The following DPP6 variants were observed in gnomAD, a reference collection of about 807,000 sequenced individuals.
DPP6 encodes A-type potassium channel modulatory protein DPP6.
DPP6 carries 69 observed loss-of-function variants against 122.6 expected under a neutral mutation model. That is an observed-to-expected ratio of 0.56 (90% CI 0.46 to 0.69). The LOEUF is 0.69. Ranked by LOEUF, DPP6 falls within the 30% of genes least tolerant of loss-of-function variation. DPP6 has a pLI of 0.00. For missense variants in DPP6, 928 were observed against 1,116.9 expected (o/e 0.83, Z 2.41); for synonymous variants, 418 against 433.1 (o/e 0.97, Z 0.43).
intron 16 of DPP6, among the ~76,000 whole-genome samples, chr7:154,826,021 G>C (rs1800118427): frequency 6.6e-6 from 1 of 152,120 alleles, no homozygotes; most frequent in African/African-American, 2.4e-5. Flanking sequence ...AACTGCAGAG[G>C]AATCAGTCCA....
upstream of DPP6, among the ~76,000 whole-genome samples, chr7:153,882,916 T>C (rs559599472): frequency 6.6e-6 from 1 of 152,286 alleles, no homozygotes; most frequent in African/African-American, 2.4e-5. Context: ...TTAGGTGCTA[T>C]GGAACAGGGC....
At chr7:154,159,124 A>C (rs1280981124) in intron 1 of DPP6, among the ~76,000 whole-genome samples, 1 of 152,010 alleles carries the variant, frequency 6.6e-6, no homozygotes, top group Non-Finnish European at 1.5e-5. Flanking sequence ...TCAGACTTTC[A>C]ACCTTCCTGC....
rs180676699 is a variant in DPP6, at chr7:154,385,170, C to T, written c.244-61044C>T. On this transcript the variant is annotated intron_variant, in intron 1 of 25. Transcript: ENST00000377770. ...ATTTTTAGTAGAGACAGGGTTTCAC[C>T]GTGTTAGCCAGGATGGTCTTGATCT... is the stretch of plus-strand genomic sequence containing the variant. Among the ~76,000 whole-genome samples the T allele has an allele frequency of 2.7e-3, 410 of 152,212 alleles. 2 individuals carry two copies. Among genetic ancestry groups the T allele is most frequent in the East Asian group, 0.021 (107 of 5,166 alleles).
intron 21 of DPP6, chr7:154,884,324 TCACA>T (rs535933966): frequency 8.8e-5 from 12 of 136,582 alleles, no homozygotes; most frequent in Admixed American, 4.4e-4. Flanking sequence ...ACACACATGC[TCACA>T]CAATTACATA....
chr7:154,328,322 T>C (rs1010115205), intron 1 of DPP6, among the ~76,000 whole-genome samples: 5 of 152,112 alleles, frequency 3.3e-5, no homozygotes, highest in Admixed American at 2.6e-4. Context: ...CTTGAAGAAC[T>C]GAAATCTGGA....
At chr7:153,953,547 C>T (rs147755550) in intron 1 of DPP6, among the ~76,000 whole-genome samples, 42 of 152,328 alleles carry the variant, frequency 2.8e-4, no homozygotes, top group Non-Finnish European at 4.9e-4. Flanking sequence ...CCAGACCTGC[C>T]TCATCTGTGC....
chr7:154,273,721 G>GA (rs962443803), intron 1 of DPP6, among the ~76,000 whole-genome samples: 3 of 151,996 alleles, frequency 2.0e-5, no homozygotes, highest in Non-Finnish European at 4.4e-5. Flanking sequence ...AAAGAGATCA[G>GA]AAAAAAAGGG....
chr7:154,135,249 A>G (rs1795488263), intron 1 of DPP6, among the ~76,000 whole-genome samples: 1 of 150,006 alleles, frequency 6.7e-6, no homozygotes, highest in Admixed American at 6.6e-5. Context: ...TCCTATGTGT[A>G]TACTTCCTGT....
At chr7:154,103,573 T>A (rs1444306477) in intron 1 of DPP6, among the ~76,000 whole-genome samples, 1 of 152,236 alleles carries the variant, frequency 6.6e-6, no homozygotes, top group African/African-American at 2.4e-5. Flanking sequence ...AGATAGCTGG[T>A]AATGTGTGAT....
chr7:153,912,227 T>C (rs1328761305), intron 1 of DPP6, among the ~76,000 whole-genome samples: 1 of 151,988 alleles, frequency 6.6e-6, no homozygotes, highest in East Asian at 1.9e-4. Flanking sequence ...TCCAAATGAG[T>C]TTTTAAGGAG....
At chr7:154,825,329 C>G (rs547131637) in intron 16 of DPP6, among the ~76,000 whole-genome samples, 71 of 152,322 alleles carry the variant, frequency 4.7e-4, no homozygotes, top group African/African-American at 1.6e-3. Flanking sequence ...GTATGTAAGA[C>G]TATTTTAAAT....
chr7:154,479,514 C>A (rs952237203), intron 3 of DPP6, among the ~76,000 whole-genome samples: 1 of 146,656 alleles, frequency 6.8e-6, no homozygotes, highest in Non-Finnish European at 1.5e-5. Flanking sequence ...GCCGACATTG[C>A]GCCACAGCAC....
chr7:154,367,065 G>A (rs144632136), intron 1 of DPP6, among the ~76,000 whole-genome samples: 307 of 152,296 alleles, frequency 2.0e-3, no homozygotes, highest in African/African-American at 7.2e-3. Context: ...AGGGGAGGAG[G>A]CAACGACGAG....
At chr7:154,009,237 A>T (rs1798055563) in intron 1 of DPP6, among the ~76,000 whole-genome samples, 1 of 65,036 alleles carries the variant, frequency 1.5e-5, no homozygotes, top group Non-Finnish European at 3.0e-5. Context: ...TTTCTCTGGG[A>T]GTCAAAAGCC....
At position 154,446,306 on chromosome 7, in the gene DPP6, C is replaced by A; in HGVS notation, c.336C>A (p.Thr112=). Reference sequence around the variant, plus strand: ...TGGTCATCTGCTCCTTGATCGTCACCTCGGTCATACTTCTGACACCAGGTA... The same window carrying A: ...TGGTCATCTGCTCCTTGATCGTCACATCGGTCATACTTCTGACACCAGGTA... ...VILVICSLIV[T]SVILLTPAED... is the part of the protein sequence containing the mutation. Residue 112 remains threonine (T), a synonymous_variant, in exon 2 of 26, where the codon ACC becomes ACA. Transcript: ENST00000377770. 1 of 1,611,746 alleles carries A rather than the reference C, an allele frequency of 6.2e-7. No individual in the cohort carries two copies. Among genetic ancestry groups the A allele is most frequent in the Non-Finnish European group, 8.5e-7 (1 of 1,178,626 alleles).
intron 1 of DPP6, among the ~76,000 whole-genome samples, chr7:154,345,021 T>C (rs1810274957): frequency 6.6e-6 from 1 of 152,198 alleles, no homozygotes; most frequent in Admixed American, 6.5e-5. Context: ...TCGGCAAATA[T>C]CGCTGGTACC....
intron 5 of DPP6, among the ~76,000 whole-genome samples, chr7:154,599,220 G>A (rs145427983): frequency 5.1e-4 from 78 of 152,274 alleles, no homozygotes; most frequent in African/African-American, 1.6e-3. Flanking sequence ...TCTCTGTAGC[G>A]TAAAATCCAG....
chr7:154,373,694 A>T (rs1236619700), intron 1 of DPP6, among the ~76,000 whole-genome samples: 1 of 138,362 alleles, frequency 7.2e-6, no homozygotes, highest in African/African-American at 2.7e-5. Flanking sequence ...GCATGAGGGC[A>T]TTTACACTGC....
chr7:154,040,205 A>G (rs1025352755), intron 1 of DPP6, among the ~76,000 whole-genome samples: 1 of 141,276 alleles, frequency 7.1e-6, no homozygotes, highest in Admixed American at 6.7e-5. Flanking sequence ...TTGCAAAGAT[A>G]GAGGTGCTAT....
Sources: gnomAD v4.1 joint callset for allele counts (sites outside exome capture counted in the v4.1 genomes callset) on GRCh38, gnomAD v4.1.1 for gene constraint, MANE v1.5 for transcripts, NCBI Gene and HGNC (gene_info 2026-07-23, HGNC 2026-07-21) for gene names.